SHANK2: variants seen among roughly 807,000 people sequenced by gnomAD.
The protein encoded by SHANK2 is SH3 and multiple ankyrin repeat domains 2, also known as SH3 and multiple ankyrin repeat domains protein 2.
A neutral mutation model predicts 133.7 loss-of-function variants in SHANK2; 43 were observed. The ratio of observed to expected loss-of-function variants is 0.32; its 90% CI spans 0.25 to 0.41. SHANK2 has a LOEUF of 0.41. SHANK2 is among the 10% of genes least tolerant of loss of function. The probability of loss-of-function intolerance (pLI) is 1.00; values close to 1 mark genes in which losing one functional copy is unlikely to be tolerated. For missense variants in SHANK2, 1,994 were observed against 2,235.8 expected, an observed-to-expected ratio of 0.89 and a Z score of 2.18; for synonymous variants, 1,017 against 952.8, an observed-to-expected ratio of 1.07 and a Z score of -1.24.
chr11:71,184,720 A>G (rs2135557306), intron 2 of SHANK2, among the ~76,000 whole-genome samples: 1 of 152,290 alleles, frequency 6.6e-6, no homozygotes, highest in South Asian at 2.1e-4. Flanking sequence ...CAGATTAAAG[A>G]CGTCCTTCTT....
At chr11:71,065,589 G>A (rs1219111008) in intron 9 of SHANK2, among the ~76,000 whole-genome samples, 2 of 136,432 alleles carry the variant, frequency 1.5e-5, no homozygotes, top group Non-Finnish European at 3.1e-5. Context: ...CTCTTCCAGA[G>A]AGATGAGCAG....
rs376204307 is a variant in SHANK2, at chr11:70,702,984, T to C, written c.1778-4221A>G. On this transcript the variant is annotated intron_variant, in intron 14 of 25. Transcript: ENST00000601538. ...ATGGTGCATGGCATGTTGAAAGTGC[T>C]ATGTAATGTTAACTAATGCTGTCGT... 2.0e-5 allele frequency among the ~76,000 whole-genome samples: 3 copies of C among 152,388 alleles called. No homozygotes were observed. In the East Asian group the frequency reaches 5.8e-4, roughly 29 times the overall value.
chr11:70,653,195 G>A (rs757184982), intron 17 of SHANK2, among the ~76,000 whole-genome samples: 1 of 152,056 alleles, frequency 6.6e-6, no homozygotes, highest in South Asian at 2.1e-4. Flanking sequence ...GGATGGTCTC[G>A]ATTTCCTGAC....
chr11:70,938,861 G>A (rs916794788), intron 10 of SHANK2, among the ~76,000 whole-genome samples: 2 of 152,220 alleles, frequency 1.3e-5, no homozygotes, highest in East Asian at 1.9e-4. Context: ...CGTGATAACC[G>A]CCACACTCAG....
chr11:71,097,325 G>A (rs1043119249), intron 6 of SHANK2, among the ~76,000 whole-genome samples: 2 of 151,954 alleles, frequency 1.3e-5, no homozygotes, highest in South Asian at 2.1e-4. Flanking sequence ...GCTATAAACC[G>A]GTGACAGATA....
chr11:70,935,292 C>T (rs1950557230), intron 10 of SHANK2, among the ~76,000 whole-genome samples: 1 of 152,120 alleles, frequency 6.6e-6, no homozygotes, highest in Admixed American at 6.5e-5. Context: ...ACAGCCCATA[C>T]ATGTAGGGGT....
chr11:70,528,201 G>A (rs137931401), intron 17 of SHANK2, among the ~76,000 whole-genome samples: 73 of 152,302 alleles, frequency 4.8e-4, no homozygotes, highest in African/African-American at 1.6e-3. Flanking sequence ...CCGAGACCCC[G>A]TCCCCAGGCG....
At chr11:71,127,407 T>A (rs1316396725) in intron 3 of SHANK2, among the ~76,000 whole-genome samples, 1 of 152,216 alleles carries the variant, frequency 6.6e-6, no homozygotes, top group African/African-American at 2.4e-5. Flanking sequence ...GTGGGTAAAA[T>A]GCTATCAAAC....
At chr11:70,525,009 T>C (rs936106978) in intron 17 of SHANK2, among the ~76,000 whole-genome samples, 1 of 152,240 alleles carries the variant, frequency 6.6e-6, no homozygotes, top group Non-Finnish European at 1.5e-5. Context: ...CCGCTTCTAG[T>C]GGGGACCAGA....
At chr11:70,711,125 A>T (rs535328195) in intron 14 of SHANK2, among the ~76,000 whole-genome samples, 1 of 152,322 alleles carries the variant, frequency 6.6e-6, no homozygotes, top group Admixed American at 6.5e-5. Flanking sequence ...CCAAAGAGGC[A>T]AAAATCACAG....
chr11:70,689,319 C>T (rs1017874667), intron 15 of SHANK2, among the ~76,000 whole-genome samples: 4 of 152,046 alleles, frequency 2.6e-5, no homozygotes, highest in Non-Finnish European at 5.9e-5. Context: ...ATGGGGAGAA[C>T]GTAAATGGTC....
intron 2 of SHANK2, among the ~76,000 whole-genome samples, chr11:71,206,204 T>C (rs979852270): frequency 1.3e-5 from 2 of 152,178 alleles, no homozygotes; most frequent in Non-Finnish European, 2.9e-5. Flanking sequence ...TCCCTCCCAT[T>C]GCTTCCCTCT....
At chr11:70,789,403 G>A (rs903946352) in intron 14 of SHANK2, among the ~76,000 whole-genome samples, 1 of 152,258 alleles carries the variant, frequency 6.6e-6, no homozygotes, top group East Asian at 1.9e-4. Flanking sequence ...GAGCCATGGG[G>A]CCTATTCTTA....
At chr11:71,105,563 G>A (rs1291630041) in intron 6 of SHANK2, among the ~76,000 whole-genome samples, 1 of 134,732 alleles carries the variant, frequency 7.4e-6, no homozygotes, top group Non-Finnish European at 1.5e-5. Context: ...CTGCACTCCA[G>A]CCTGGGTGAC....
At chr11:70,824,352 C>T (rs192852196) in intron 11 of SHANK2, among the ~76,000 whole-genome samples, 94 of 152,200 alleles carry the variant, frequency 6.2e-4, no homozygotes, top group African/African-American at 2.1e-3. Flanking sequence ...GGGGAGGTCG[C>T]GGTGTCACAC....
At chr11:70,844,523 C>T (rs1948965908) in intron 11 of SHANK2, among the ~76,000 whole-genome samples, 1 of 152,226 alleles carries the variant, frequency 6.6e-6, no homozygotes, top group Admixed American at 6.5e-5. Context: ...GAAACACAGG[C>T]TCCACGCCGG....
At chr11:70,680,940 C>G (rs1015894436) in intron 15 of SHANK2, among the ~76,000 whole-genome samples, 1 of 152,228 alleles carries the variant, frequency 6.6e-6, no homozygotes, top group South Asian at 2.1e-4. Flanking sequence ...TACTCCCACA[C>G]TCTTCCTAGT....
Position 71,094,476 on chromosome 11 carries a change from G to A in SHANK2, c.744+61C>T, listed in dbSNP as rs577895093. On this transcript the variant is annotated intron_variant, in intron 7 of 25. Coordinates refer to ENST00000601538, the MANE Select transcript of SHANK2 (RefSeq NM_012309.5). ...AGGATGGGCACTGCGGGGATGGGATGGGGCAGCCGCACGGAATCAGAGCAC... is the reference window on the plus strand; with the variant it reads ...AGGATGGGCACTGCGGGGATGGGATAGGGCAGCCGCACGGAATCAGAGCAC... The A allele has an allele frequency of 6.6e-5, 98 of 1,494,966 alleles. No individual in the cohort carries two copies. The South Asian group carries it at 1.2e-3, about 19-fold the overall frequency. 92.6% of individuals were successfully genotyped at this position (1,494,966 alleles called of 1,614,324 possible).
intron 2 of SHANK2, among the ~76,000 whole-genome samples, chr11:71,189,834 C>T (rs543337673): frequency 1.3e-3 from 202 of 152,362 alleles, no homozygotes; most frequent in Non-Finnish European, 2.1e-3. Flanking sequence ...TGAATGAACA[C>T]GGGAAAGGCC....
Sources: gnomAD v4.1 joint callset for allele counts (sites outside exome capture counted in the v4.1 genomes callset) on GRCh38, gnomAD v4.1.1 for gene constraint, MANE v1.5 for transcripts, NCBI Gene and HGNC (gene_info 2026-07-23, HGNC 2026-07-21) for gene names.